Variants in USP34 observed in about 807,000 individuals in gnomAD.
USP34 encodes ubiquitin specific peptidase 34.
A neutral mutation model predicts 460.3 loss-of-function variants in USP34; 70 were observed. The ratio of observed to expected loss-of-function variants is 0.15; its 90% CI spans 0.13 to 0.19. USP34 has a LOEUF of 0.19. Ranked by LOEUF, USP34 falls within the 10% of genes least tolerant of loss-of-function variation. The pLI is 1.00. For missense variants in USP34, 3,985 were observed against 4,236.2 expected (o/e 0.94, Z 1.65); for synonymous variants, 1,647 against 1,405.3 (o/e 1.17, Z -3.85).
At chr2:61,204,062 G>A (rs529950267) in intron 74 of USP34, among the ~76,000 whole-genome samples, 194 bp downstream of exon 74, 122 of 152,170 alleles carry the variant, frequency 8.0e-4, no homozygotes, top group Non-Finnish European at 3.2e-4. Flanking sequence ...CTTACTACTT[G>A]TGCTTATTGT....
chr2:61,445,719 A>T (rs1486647060), intron 1 of USP34, among the ~76,000 whole-genome samples: 1 of 152,122 alleles, frequency 6.6e-6, no homozygotes, highest in Non-Finnish European at 1.5e-5. Flanking sequence ...GCACTTTGGG[A>T]GGCCAAGGCA....
rs530265127 is a variant in USP34, at chr2:61,251,029, T to C, written c.6222-2346A>G. Among the ~76,000 whole-genome samples, 35 of 152,172 alleles carry C rather than the reference T, an allele frequency of 2.3e-4. No individual in the cohort carries two copies. The East Asian group carries it at 6.4e-3, about 28-fold the overall frequency. On this transcript the variant is annotated intron_variant, in intron 48 of 79. Transcript: ENST00000398571. ...GGCGGGCGCCTGTAGTCCCAGCTAC[T>C]CAGGAGGCTGAGGCAGGAGAATGGC...
chr2:61,348,933 T>G (rs755820082), intron 13 of USP34, 47 bp from the exon 14 acceptor site: 6 of 1,554,820 alleles, frequency 3.9e-6, no homozygotes, highest in Non-Finnish European at 3.5e-6. Flanking sequence ...TATATTAACA[T>G]TGACTTAACA....
chr2:61,442,144 A>G (rs1457152395), intron 1 of USP34, among the ~76,000 whole-genome samples: 1 of 152,184 alleles, frequency 6.6e-6, no homozygotes, highest in Admixed American at 6.6e-5. Context: ...AAGAACTAAC[A>G]AAACTATAAG....
rs189383056 is a variant in USP34, at chr2:61,286,213, A to G, written c.4750-1256T>C. Among the ~76,000 whole-genome samples the G allele has an allele frequency of 3.9e-5, 6 of 152,324 alleles. No homozygotes were observed. The East Asian group carries it at 1.2e-3, about 29-fold the overall frequency. ...AGTGTTCTTCCTTACTACCTACAGT[A>G]TATCAACATTAGATGACTCTGTCTT... is the stretch of plus-strand genomic sequence containing the variant. On this transcript the variant is annotated intron_variant, in intron 34 of 79. Coordinates refer to ENST00000398571, the MANE Select transcript of USP34 (RefSeq NM_014709.4).
chr2:61,218,397 C>G (rs528108945), intron 67 of USP34, among the ~76,000 whole-genome samples: 1 of 151,244 alleles, frequency 6.6e-6, no homozygotes, highest in Non-Finnish European at 1.5e-5. Flanking sequence ...GTGCTTCTCA[C>G]AAATAAACCT....
intron 1 of USP34, among the ~76,000 whole-genome samples, 170 bp from the exon 2 acceptor site, chr2:61,421,003 C>T (rs565905238): frequency 7.7e-4 from 117 of 151,950 alleles, no homozygotes; most frequent in African/African-American, 2.7e-3. Context: ...GACTTAAGAA[C>T]AGATTTTTGA....
rs762987771 is a variant in USP34 at position 61,214,134 on chromosome 2, G to T, written c.8608C>A (p.Arg2870=). ...LCCEQSPAFT[R]QLASHQNIQW... ...ATGTTCTGGTGAGAAGCCAGTTGTCGTGTGAATGCAGGAGACTGCTCACAG... is the reference window on the plus strand; with the variant it reads ...ATGTTCTGGTGAGAAGCCAGTTGTCTTGTGAATGCAGGAGACTGCTCACAG... The change falls in exon 68 of 80, where the codon CGA becomes AGA. Residue 2870 remains arginine (R), a synonymous_variant. Coordinates refer to ENST00000398571, the MANE Select transcript of USP34 (RefSeq NM_014709.4). 6 of 1,614,090 alleles carry T rather than the reference G, an allele frequency of 3.7e-6. No individual in the cohort carries two copies. Among genetic ancestry groups the T allele is most frequent in the Admixed American group, 3.3e-5 (2 of 60,006 alleles).
intron 53 of USP34, among the ~76,000 whole-genome samples, chr2:61,240,939 G>C (rs1458303215): frequency 6.6e-6 from 1 of 152,140 alleles, no homozygotes; most frequent in Non-Finnish European, 1.5e-5. Flanking sequence ...TGTATCATGA[G>C]ACACAACAGA....
At chr2:61,437,682 A>G (rs1694850436) in intron 1 of USP34, among the ~76,000 whole-genome samples, 1 of 152,072 alleles carries the variant, frequency 6.6e-6, no homozygotes, top group South Asian at 2.1e-4. Flanking sequence ...CTGAGGCAGG[A>G]GAATGGCTTG....
At chr2:61,312,902 A>T (rs531784026) in intron 25 of USP34, among the ~76,000 whole-genome samples, 1 of 152,212 alleles carries the variant, frequency 6.6e-6, no homozygotes, top group Non-Finnish European at 1.5e-5. Context: ...GTTTAAGATT[A>T]TAACTTTATC....
intron 16 of USP34, among the ~76,000 whole-genome samples, chr2:61,339,932 A>G (rs1691538590): frequency 6.6e-6 from 1 of 152,018 alleles, no homozygotes; most frequent in Admixed American, 6.5e-5. Context: ...CAGCCTCCCT[A>G]AGTGTTGGGA....
intron 35 of USP34, among the ~76,000 whole-genome samples, chr2:61,284,377 A>C (rs1430188236): frequency 6.6e-6 from 1 of 152,182 alleles, no homozygotes; most frequent in Non-Finnish European, 1.5e-5. Flanking sequence ...GTATCATGAG[A>C]GAAAGGCTGA....
Position 61,204,560 on chromosome 2 carries a change from G to C in USP34, c.9196C>G (p.Leu3066Val). 5 of 1,614,066 alleles carry C rather than the reference G, an allele frequency of 3.1e-6. No individual in the cohort carries two copies. The highest frequency in any genetic ancestry group is 4.2e-6 in the Non-Finnish European group (5 of 1,179,986). The change falls in exon 73 of 80, where the codon CTT (leucine) becomes GTT (valine). Residue 3066 changes from leucine to valine, a missense_variant. Around this residue, in one of 14 missense-constraint regions of USP34, gnomAD observed 275 missense variants for 292.7 expected, o/e 0.94. Coordinates refer to ENST00000398571, the MANE Select transcript of USP34 (RefSeq NM_014709.4). ...TGTAGAAAGGGAACCAGAGTATGAAGAAAATCATGGGGACTCAAAAGTACA... is the reference window on the plus strand; with the variant it reads ...TGTAGAAAGGGAACCAGAGTATGAACAAAATCATGGGGACTCAAAAGTACA... ...ELVLLSPHDFLHTLVPFLQHN... is the reference protein window; with the variant it reads ...ELVLLSPHDFVHTLVPFLQHN...
intron 3 of USP34, among the ~76,000 whole-genome samples, chr2:61,405,422 T>A (rs1180270686): frequency 1.3e-5 from 2 of 152,124 alleles, no homozygotes; most frequent in African/African-American, 4.8e-5. Flanking sequence ...CTATTATTTA[T>A]TAAGAGTCAT....
intron 27 of USP34, among the ~76,000 whole-genome samples, chr2:61,310,894 T>C (rs1418145853): frequency 6.6e-6 from 1 of 152,152 alleles, no homozygotes; most frequent in East Asian, 1.9e-4. Flanking sequence ...ATGAAATAAA[T>C]TTCAAGAAGT....
At chr2:61,238,011 T>C (rs1688121786) in intron 53 of USP34, among the ~76,000 whole-genome samples, 1 of 152,024 alleles carries the variant, frequency 6.6e-6, no homozygotes, top group African/African-American at 2.4e-5. Context: ...TTCTCTTGCC[T>C]CAGCCTCCCA....
At chr2:61,190,109 A>G in intron 78 of USP34, 162 bp downstream of exon 78, 2 of 841,732 alleles carry the variant, frequency 2.4e-6, no homozygotes, top group Non-Finnish European at 3.5e-6. Context: ...GTGTACATAC[A>G]AGGCATAGTA....
At chr2:61,190,779 C>T in intron 76 of USP34, 121 bp from the exon 77 acceptor site, 1 of 1,280,508 alleles carries the variant, frequency 7.8e-7, no homozygotes, top group Non-Finnish European at 1.0e-6. Flanking sequence ...CACTGAAAAT[C>T]CTACTTGAAA....
Sources: gnomAD v4.1 joint callset for allele counts (sites outside exome capture counted in the v4.1 genomes callset) on GRCh38, gnomAD v4.1.1 for gene constraint, gnomAD v4.1.1 regional missense constraint, MANE v1.5 for transcripts, NCBI Gene and HGNC (gene_info 2026-07-23, HGNC 2026-07-21) for gene names.